KHDRBS2: variants seen among roughly 807,000 people sequenced by gnomAD.
The protein encoded by KHDRBS2 is KH RNA binding domain containing, signal transduction associated 2.
In KHDRBS2, 26 loss-of-function variants were observed where a neutral mutation model predicts 44.3. The observed-to-expected ratio is 0.59, with a 90% confidence interval of 0.43 to 0.81. The LOEUF (loss-of-function observed/expected upper bound fraction) is 0.81, where lower values mean the gene tolerates loss of function less well. KHDRBS2 is among the 40% of genes least tolerant of loss of function. The pLI is 0.00. For missense variants in KHDRBS2, 476 were observed against 433.1 expected (o/e 1.10, Z -0.88); for synonymous variants, 194 against 151.1 (o/e 1.28, Z -2.08).
At chr6:61,715,291 A>AT (rs796152591) in intron 7 of KHDRBS2, among the ~76,000 whole-genome samples, 3 of 151,820 alleles carry the variant, frequency 2.0e-5, no homozygotes, top group African/African-American at 7.3e-5. Context: ...AAAAAAGATG[A>AT]TTTTTTCCAA....
At chr6:61,706,947 CA>C (rs11354958) in intron 7 of KHDRBS2, among the ~76,000 whole-genome samples, 29,518 of 139,970 alleles carry the variant, frequency 0.21, 3,043 homozygotes, top group African/African-American at 0.25. Context: ...AAAACAAAAA[CA>C]AAAACAAAAA....
chr6:61,807,214 C>T (rs966539710), intron 6 of KHDRBS2, among the ~76,000 whole-genome samples: 1 of 152,096 alleles, frequency 6.6e-6, no homozygotes, highest in Admixed American at 6.6e-5. Flanking sequence ...AATGCTTATA[C>T]ACTGCTGGTG....
chr6:61,937,401 C>T (rs1811230789), intron 4 of KHDRBS2, among the ~76,000 whole-genome samples: 3 of 152,038 alleles, frequency 2.0e-5, no homozygotes, highest in Non-Finnish European at 4.4e-5. Flanking sequence ...GATACTTCTA[C>T]TACTCTTCTA....
chr6:61,584,019 T>G, the KHDRBS2 span, among the ~76,000 whole-genome samples: 2 of 151,726 alleles, frequency 1.3e-5, no homozygotes, highest in African/African-American at 2.4e-5. Context: ...TTTTCATTGC[T>G]AGCATACATA....
At chr6:61,843,947 G>A (rs1333497617) in intron 6 of KHDRBS2, among the ~76,000 whole-genome samples, 3 of 151,824 alleles carry the variant, frequency 2.0e-5, no homozygotes, top group Non-Finnish European at 4.4e-5. Flanking sequence ...TCTTTAATAT[G>A]CTTAAGTGTC....
At position 61,796,444 on chromosome 6, in the gene KHDRBS2, T is replaced by A. The variant is rs1461804645; in HGVS notation, c.811-63680A>T. Among the ~76,000 whole-genome samples, 4 of 152,194 alleles carry A rather than the reference T, an allele frequency of 2.6e-5. No individual in the cohort carries two copies. The East Asian group carries it at 7.7e-4, about 29-fold the overall frequency. On this transcript the variant is annotated intron_variant, in intron 6 of 8. Coordinates refer to ENST00000281156, the MANE Select transcript of KHDRBS2 (RefSeq NM_152688.4). ...AAAAATATTAACAGAATATTCATTA[T>A]CTGCCAAGCATGATTCACATTATGA... is the stretch of plus-strand genomic sequence containing the variant.
At chr6:61,927,973 C>A (rs760818493) in intron 4 of KHDRBS2, among the ~76,000 whole-genome samples, 4 of 152,076 alleles carry the variant, frequency 2.6e-5, no homozygotes, top group Admixed American at 6.6e-5. Flanking sequence ...TCACTGAGCT[C>A]TGCCCAATCT....
intron 6 of KHDRBS2, among the ~76,000 whole-genome samples, chr6:61,820,221 A>G (rs1006136464): frequency 1.3e-5 from 2 of 152,036 alleles, no homozygotes; most frequent in African/African-American, 2.4e-5. Flanking sequence ...TTGAAGATCC[A>G]TTAGATGACA....
chr6:61,545,594 A>G, the KHDRBS2 span, among the ~76,000 whole-genome samples: 2 of 151,840 alleles, frequency 1.3e-5, no homozygotes, highest in African/African-American at 4.8e-5. Flanking sequence ...GCTCAAAAAC[A>G]GTATATGTAG....
At chr6:61,826,560 GA>G (rs1212112851) in intron 6 of KHDRBS2, among the ~76,000 whole-genome samples, 1 of 151,970 alleles carries the variant, frequency 6.6e-6, no homozygotes, top group Non-Finnish European at 1.5e-5. Context: ...AGTTGAAATG[GA>G]CCCTTTGTTG....
intron 2 of KHDRBS2, among the ~76,000 whole-genome samples, chr6:62,142,779 A>G (rs1813116742): frequency 6.6e-6 from 1 of 151,804 alleles, no homozygotes; most frequent in South Asian, 2.1e-4. Flanking sequence ...TCATATTTCA[A>G]ACAAGCAGGT....
intron 2 of KHDRBS2, among the ~76,000 whole-genome samples, chr6:62,165,478 G>A (rs1407429015): frequency 1.3e-5 from 2 of 150,926 alleles, no homozygotes; most frequent in Non-Finnish European, 3.0e-5. Flanking sequence ...TAGAAACTTG[G>A]CTTTATTAAA....
At chr6:62,235,151 G>A (rs916808524) in intron 1 of KHDRBS2, among the ~76,000 whole-genome samples, 1 of 146,860 alleles carries the variant, frequency 6.8e-6, no homozygotes, top group African/African-American at 2.5e-5. Context: ...TCTATTTTAG[G>A]TTTTCAGTTT....
At chr6:61,872,556 G>T (rs1258999749) in intron 6 of KHDRBS2, among the ~76,000 whole-genome samples, 1 of 152,066 alleles carries the variant, frequency 6.6e-6, no homozygotes, top group African/African-American at 2.4e-5. Context: ...AGGCCTAAAA[G>T]ATGTGAAAGG....
chr6:62,234,118 G>A (rs1233379108), intron 1 of KHDRBS2, among the ~76,000 whole-genome samples: 2 of 151,904 alleles, frequency 1.3e-5, no homozygotes, highest in African/African-American at 4.8e-5. Context: ...TAATAATCAT[G>A]AAATAAAATC....
At chr6:61,552,210 T>C in the KHDRBS2 span, among the ~76,000 whole-genome samples, 1 of 152,140 alleles carries the variant, frequency 6.6e-6, no homozygotes, top group Non-Finnish European at 1.5e-5. Flanking sequence ...TTTGTAATTC[T>C]AATTGTAGAG....
At chr6:61,545,501 C>CTCTG in the KHDRBS2 span, among the ~76,000 whole-genome samples, 4 of 148,334 alleles carry the variant, frequency 2.7e-5, no homozygotes, top group African/African-American at 1.0e-4. Context: ...TAGCTAATCT[C>CTCTG]TGTGTGTGTG....
chr6:62,026,252 G>A (rs1783286488), intron 3 of KHDRBS2, among the ~76,000 whole-genome samples: 1 of 151,464 alleles, frequency 6.6e-6, no homozygotes, highest in Non-Finnish European at 1.5e-5. Context: ...AATATGCAAT[G>A]GAAGTGACTC....
intron 2 of KHDRBS2, among the ~76,000 whole-genome samples, chr6:62,169,220 C>CGTATATATAA (rs1163003308): frequency 6.9e-6 from 1 of 144,614 alleles, no homozygotes; most frequent in Non-Finnish European, 1.5e-5. Flanking sequence ...TGTATATATA[C>CGTATATATAA]ACACACACAT....
Sources: allele counts gnomAD v4.1 joint callset (sites outside exome capture counted in the v4.1 genomes callset), GRCh38; gene constraint gnomAD v4.1.1; transcripts MANE v1.5; gene names NCBI Gene and HGNC (gene_info 2026-07-23, HGNC 2026-07-21).